FRYL: variants seen among roughly 807,000 people sequenced by gnomAD.
The protein encoded by FRYL is protein furry homolog-like.
In FRYL, 150 loss-of-function variants were observed where a neutral mutation model predicts 351.2. The ratio of observed to expected loss-of-function variants is 0.43; its 90% CI spans 0.37 to 0.49. The LOEUF is 0.49. Among genes scored for constraint, FRYL ranks in the 20% least tolerant of loss-of-function variants. FRYL has a pLI of 0.00. For synonymous variants in FRYL, 1,153 were observed against 1,257.1 expected (o/e 0.92, Z 1.75); for missense variants, 3,036 against 3,619.3 (o/e 0.84, Z 4.13).
Position 48,510,169 on chromosome 4 carries a change from G to A in FRYL, c.8296-12C>T, listed in dbSNP as rs545935972. 1.3e-4 allele frequency: 206 copies of A among 1,590,550 alleles called. 3 individuals carry two copies. The South Asian group carries it at 2.2e-3, about 17-fold the overall frequency. Reference sequence around the variant, plus strand: ...CCACATGACATCAGCTGTCAAATCAGAAGTATTGATCCAGGTTACCATTTC... The same window carrying A: ...CCACATGACATCAGCTGTCAAATCAAAAGTATTGATCCAGGTTACCATTTC... On this transcript the variant is annotated splice_polypyrimidine_tract_variant and intron_variant, in intron 58 of 63. Transcript: ENST00000358350.
chr4:48,676,106 C>G (rs1440839340), intron 3 of FRYL, among the ~76,000 whole-genome samples: 1 of 152,136 alleles, frequency 6.6e-6, no homozygotes, highest in Non-Finnish European at 1.5e-5. Flanking sequence ...GGCCACTCAG[C>G]TCTACCAATC....
At chr4:48,688,345 A>C (rs1294427872) in intron 2 of FRYL, among the ~76,000 whole-genome samples, 1 of 152,224 alleles carries the variant, frequency 6.6e-6, no homozygotes, top group Non-Finnish European at 1.5e-5. Context: ...TACCAAAATA[A>C]TTATAGAAAA....
chr4:48,744,719 TC>T (rs1772473943), intron 1 of FRYL, among the ~76,000 whole-genome samples: 1 of 152,178 alleles, frequency 6.6e-6, no homozygotes, highest in South Asian at 2.1e-4. Context: ...GTTTTAAAAA[TC>T]CTTCCCATAC....
intron 33 of FRYL, among the ~76,000 whole-genome samples, chr4:48,559,409 T>C (rs887786089): frequency 2.7e-4 from 38 of 140,720 alleles, no homozygotes; most frequent in Middle Eastern, 4.2e-3. Flanking sequence ...ACTTAAGATA[T>C]GGGGCTGGGT....
At position 48,500,221 on chromosome 4, in the gene FRYL, C is replaced by T; in HGVS notation, c.8593-1G>A. Reference sequence around the variant, plus strand: ...CAAGTTCCTCTGACATGTTGATGACCTAAAACAAATACATCTTTAAGGATC... The same window carrying T: ...CAAGTTCCTCTGACATGTTGATGACTTAAAACAAATACATCTTTAAGGATC... On this transcript the variant is annotated splice_acceptor_variant, in intron 62 of 63. Coordinates refer to ENST00000358350, the MANE Select transcript of FRYL (RefSeq NM_015030.2). LOFTEE classifies it high-confidence loss of function. 6.4e-7 allele frequency: 1 copy of T among 1,557,984 alleles called. No individual in the cohort carries two copies. Among genetic ancestry groups the T allele is most frequent in the Non-Finnish European group, 8.6e-7 (1 of 1,160,414 alleles).
intron 59 of FRYL, among the ~76,000 whole-genome samples, chr4:48,507,537 G>GTTAGTTAGTTAGT (rs1721431163): frequency 6.6e-6 from 1 of 151,972 alleles, no homozygotes; most frequent in South Asian, 2.1e-4. Context: ...CAAACAAACA[G>GTTAGTTAGTTAGT]TTAGTTAGTT....
chr4:48,779,675 G>A (rs866816454), intron 1 of FRYL, among the ~76,000 whole-genome samples: 16 of 152,082 alleles, frequency 1.1e-4, no homozygotes, highest in Middle Eastern at 3.4e-3. Context: ...CGAGTCGGTG[G>A]CGAGGCGGCG....
At chr4:48,635,900 T>C (rs749667885) in intron 3 of FRYL, among the ~76,000 whole-genome samples, 3 of 152,114 alleles carry the variant, frequency 2.0e-5, no homozygotes, top group Non-Finnish European at 2.9e-5. Flanking sequence ...CACATAACTA[T>C]AGGATAATAA....
chr4:48,581,185 C>G (rs1451306075), intron 21 of FRYL, among the ~76,000 whole-genome samples: 1 of 151,852 alleles, frequency 6.6e-6, no homozygotes, highest in African/African-American at 2.4e-5. Flanking sequence ...GGACTACAGG[C>G]GCCCGCCACC....
chr4:48,595,571 T>A lies in FRYL; in HGVS notation c.1248+19A>T, dbSNP rs1343134312. ...TCTAACAATTTATATACATACATAC[T>A]ATGAGATGAAGCACTCACCTGAGCA... On this transcript the variant is annotated intron_variant, in intron 15 of 63. Coordinates refer to ENST00000358350, the MANE Select transcript of FRYL (RefSeq NM_015030.2). 1.9e-5 allele frequency: 26 copies of A among 1,397,010 alleles called. No homozygotes were observed. The highest frequency in any genetic ancestry group is 2.5e-5 in the Non-Finnish European group (25 of 996,188). 86.5% of individuals were successfully genotyped at this position (1,397,010 alleles called of 1,614,324 possible). A position where few individuals can be genotyped will look rare whatever the true frequency, so the allele number is the denominator to read the frequency against.
rs1370790111 is a variant in FRYL at position 48,740,598 on chromosome 4, A to G, written c.-383-29900T>C. ...GGGTGAGCCACCATGCCCGGCCACA[A>G]CCTGATTTTTTTAAAGGGCCAGACA... is the stretch of plus-strand genomic sequence containing the variant. On this transcript the variant is annotated intron_variant, in intron 1 of 63. Coordinates refer to ENST00000358350, the MANE Select transcript of FRYL (RefSeq NM_015030.2). Among the ~76,000 whole-genome samples the G allele has an allele frequency of 3.3e-5, 5 of 151,998 alleles. 1 individual carries two copies. In the East Asian group the frequency reaches 9.6e-4, roughly 29 times the overall value.
intron 42 of FRYL, among the ~76,000 whole-genome samples, chr4:48,545,191 C>T (rs940814544): frequency 6.6e-5 from 10 of 152,096 alleles, no homozygotes; most frequent in African/African-American, 2.4e-4. Flanking sequence ...TTATGTGTTC[C>T]AGGTCAAAAT....
chr4:48,641,941 A>T (rs1755420568), intron 3 of FRYL, among the ~76,000 whole-genome samples: 2 of 152,158 alleles, frequency 1.3e-5, no homozygotes, highest in South Asian at 4.1e-4. Flanking sequence ...GTTCCATTTA[A>T]ATTTGTCATC....
intron 13 of FRYL, among the ~76,000 whole-genome samples, chr4:48,601,286 G>A (rs1745645269): frequency 6.6e-6 from 1 of 152,150 alleles, no homozygotes; most frequent in African/African-American, 2.4e-5. Flanking sequence ...TATTCAAATA[G>A]GCTCATCTAA....
chr4:48,603,989 T>G (rs1254237313), intron 11 of FRYL, among the ~76,000 whole-genome samples: 1 of 152,188 alleles, frequency 6.6e-6, no homozygotes, highest in Non-Finnish European at 1.5e-5. Context: ...TCATACTCTT[T>G]TTAAAATTTC....
At chr4:48,514,895 A>T in intron 56 of FRYL, 133 bp downstream of exon 56, 1 of 748,112 alleles carries the variant, frequency 1.3e-6, no homozygotes, top group Non-Finnish European at 2.1e-6. Context: ...AGACTAAAAC[A>T]CACAAAGTAT....
chr4:48,560,654 G>C (rs1735283746), intron 33 of FRYL, among the ~76,000 whole-genome samples: 1 of 152,144 alleles, frequency 6.6e-6, no homozygotes, highest in African/African-American at 2.4e-5. Context: ...ATTCATCTTG[G>C]AAGGGCTGTC....
chr4:48,574,800 A>ATTT (rs1739232906), intron 25 of FRYL, among the ~76,000 whole-genome samples: 5 of 152,224 alleles, frequency 3.3e-5, no homozygotes, highest in African/African-American at 1.2e-4. Flanking sequence ...TACACATTAA[A>ATTT]AGAATGACTA....
chr4:48,743,736 T>C (rs1517677), intron 1 of FRYL, among the ~76,000 whole-genome samples: 149,364 of 152,256 alleles, frequency 0.98, 73,323 homozygotes, highest in East Asian at 1. Context: ...AGCAGATTAC[T>C]CTCCAAAAGG....
Sources: allele counts gnomAD v4.1 joint callset (sites outside exome capture counted in the v4.1 genomes callset), GRCh38; gene constraint gnomAD v4.1.1; transcripts MANE v1.5; gene names NCBI Gene and HGNC (gene_info 2026-07-23, HGNC 2026-07-21).